Variants in BICC1 observed in about 807,000 individuals in gnomAD.
The protein encoded by BICC1 is BicC family RNA binding protein 1.
BICC1 carries 43 observed loss-of-function variants against 111.0 expected under a neutral mutation model. That is an observed-to-expected ratio of 0.39 (90% CI 0.30 to 0.50). The LOEUF is 0.50. BICC1 is among the 20% of genes least tolerant of loss of function. The probability of loss-of-function intolerance (pLI) is 0.88; values close to 1 mark genes in which losing one functional copy is unlikely to be tolerated. For missense variants in BICC1, 1,091 were observed against 1,203.2 expected (o/e 0.91, Z 1.38); for synonymous variants, 467 against 434.4 (o/e 1.07, Z -0.93).
chr10:58,592,620 CAGG>C (rs1030585805), intron 1 of BICC1, among the ~76,000 whole-genome samples: 4 of 151,390 alleles, frequency 2.6e-5, no homozygotes, highest in African/African-American at 9.7e-5. Flanking sequence ...GAGGCTGAGG[CAGG>C]AGAATGGCGT....
chr10:58,736,955 T>A (rs565827995), intron 3 of BICC1, among the ~76,000 whole-genome samples: 1 of 152,100 alleles, frequency 6.6e-6, no homozygotes, highest in African/African-American at 2.4e-5. Flanking sequence ...TTTTTTTGTC[T>A]GGGGCATAGA....
At chr10:58,815,727 G>A (rs1844066569) in intron 18 of BICC1, among the ~76,000 whole-genome samples, 1 of 151,760 alleles carries the variant, frequency 6.6e-6, no homozygotes. Context: ...GTAAAAGTAC[G>A]TTATAGGCTA....
chr10:58,555,415 G>C (rs1337682650), intron 1 of BICC1, among the ~76,000 whole-genome samples: 2 of 149,262 alleles, frequency 1.3e-5, no homozygotes, highest in Non-Finnish European at 3.0e-5. Context: ...GTTGGAAGTA[G>C]AGTAATTAGT....
chr10:58,816,447 G>A (rs1046050689), intron 18 of BICC1, among the ~76,000 whole-genome samples: 2 of 152,134 alleles, frequency 1.3e-5, no homozygotes, highest in Non-Finnish European at 2.9e-5. Flanking sequence ...TTCAGGAAAT[G>A]CCTTCTGTTT....
At chr10:58,737,927 G>T (rs1248331663) in intron 3 of BICC1, among the ~76,000 whole-genome samples, 1 of 152,068 alleles carries the variant, frequency 6.6e-6, no homozygotes, top group Non-Finnish European at 1.5e-5. Flanking sequence ...CCACTTGTTG[G>T]TGGGGTTGTT....
chr10:58,621,223 A>G (rs1205613048), intron 2 of BICC1, among the ~76,000 whole-genome samples: 1 of 152,228 alleles, frequency 6.6e-6, no homozygotes, highest in Admixed American at 6.5e-5. Flanking sequence ...GGAAGGGGTT[A>G]TTGTGCAAGG....
In BICC1 at chr10:58,829,561, T is replaced by C. The variant is rs1844499830; in HGVS notation, c.*670T>C. 6.6e-6 allele frequency: 1 copy of C among 152,172 alleles called. No homozygotes were observed. Among genetic ancestry groups the C allele is most frequent in the African/African-American group, 2.4e-5 (1 of 41,442 alleles). The allele number at this position is 152,172 out of a possible 1,614,324, so 9.4% of individuals were successfully genotyped here. ...CAGAATATTCTGTGATTTTGGGAAA[T>C]GTAAGTGAGTCCACTTGCTTCTGGA... On this transcript the variant is annotated 3_prime_UTR_variant, in exon 21 of 21. Coordinates refer to ENST00000373886, the MANE Select transcript of BICC1 (RefSeq NM_001080512.3).
intron 3 of BICC1, among the ~76,000 whole-genome samples, chr10:58,755,349 C>G (rs969607547): frequency 5.3e-5 from 8 of 152,176 alleles, no homozygotes; most frequent in Non-Finnish European, 1.5e-5. Context: ...TCCATGGTCC[C>G]AAAGTCAGTG....
intron 1 of BICC1, among the ~76,000 whole-genome samples, chr10:58,518,238 C>T (rs749421010): frequency 2.0e-5 from 3 of 152,170 alleles, no homozygotes; most frequent in Non-Finnish European, 2.9e-5. Context: ...ATCAGTTAAT[C>T]TCTCTTCTGG....
At chr10:58,637,292 G>T (rs1411527914) in intron 2 of BICC1, among the ~76,000 whole-genome samples, 1 of 151,938 alleles carries the variant, frequency 6.6e-6, no homozygotes, top group East Asian at 1.9e-4. Flanking sequence ...TTTTTCCTTT[G>T]TTATGAAATG....
chr10:58,742,638 A>G (rs968127911), intron 3 of BICC1, among the ~76,000 whole-genome samples: 3 of 151,800 alleles, frequency 2.0e-5, no homozygotes, highest in Non-Finnish European at 4.4e-5. Flanking sequence ...GCGTTTCACC[A>G]TATTGGCCAG....
At chr10:58,595,048 G>T (rs1349690864) in intron 1 of BICC1, among the ~76,000 whole-genome samples, 3 of 152,006 alleles carry the variant, frequency 2.0e-5, no homozygotes, top group Non-Finnish European at 4.4e-5. Context: ...ATGGAAAGCA[G>T]AAAAAGCAGG....
At chr10:58,777,652 G>T (rs571420502) in intron 3 of BICC1, among the ~76,000 whole-genome samples, 2 of 151,838 alleles carry the variant, frequency 1.3e-5, no homozygotes, top group East Asian at 1.9e-4. Flanking sequence ...GCCATACTTG[G>T]TTTCTTACAA....
chr10:58,531,655 A>G (rs576110335), intron 1 of BICC1, among the ~76,000 whole-genome samples: 16 of 152,010 alleles, frequency 1.1e-4, no homozygotes, highest in African/African-American at 3.9e-4. Context: ...GTGCACTACA[A>G]GAAAACATAT....
At chr10:58,693,822 T>G (rs889054960) in intron 2 of BICC1, among the ~76,000 whole-genome samples, 3 of 152,202 alleles carry the variant, frequency 2.0e-5, no homozygotes, top group Non-Finnish European at 4.4e-5. Context: ...GCCTGTTCAC[T>G]CTGATGGTAG....
In BICC1 at chr10:58,795,957, AG is replaced by A. The variant is rs562638280; in HGVS notation, c.1180-380del. Among the ~76,000 whole-genome samples, 259 of 152,276 alleles carry A rather than the reference AG, an allele frequency of 1.7e-3. 1 individual carries two copies. Among genetic ancestry groups the A allele is most frequent in the African/African-American group, 5.8e-3 (242 of 41,552 alleles). ...AGTGTAAAGATGAGGGGCTGTAAAAAGGGAACCCAGGTTCCCATCCTCTTGC... is the reference window on the plus strand; with the variant it reads ...AGTGTAAAGATGAGGGGCTGTAAAAAGGAACCCAGGTTCCCATCCTCTTGC... On this transcript the variant is annotated intron_variant, in intron 9 of 20. Coordinates refer to ENST00000373886, the MANE Select transcript of BICC1 (RefSeq NM_001080512.3).
chr10:58,712,169 G>C (rs1840597054), intron 3 of BICC1, among the ~76,000 whole-genome samples: 1 of 152,142 alleles, frequency 6.6e-6, no homozygotes, highest in African/African-American at 2.4e-5. Context: ...CTACCTGTTA[G>C]AATGGTTGAA....
chr10:58,713,730 GTCT>G lies in BICC1; in HGVS notation c.307+11593_307+11595del, dbSNP rs1388763198. Among the ~76,000 whole-genome samples the G allele has an allele frequency of 2.6e-5, 4 of 152,318 alleles. No individual in the cohort carries two copies. In the East Asian group the frequency reaches 7.7e-4, roughly 29 times the overall value. ...CTTAAGCTACATTTGGTTCTTAAGT[GTCT>G]TCTTCAAAAAGAAAGGCAATCTTGG... On this transcript the variant is annotated intron_variant, in intron 3 of 20. Coordinates refer to ENST00000373886, the MANE Select transcript of BICC1 (RefSeq NM_001080512.3).
intron 18 of BICC1, among the ~76,000 whole-genome samples, chr10:58,815,155 A>T (rs1844049034): frequency 6.6e-6 from 1 of 151,802 alleles, no homozygotes; most frequent in Non-Finnish European, 1.5e-5. Context: ...ATATTTGAAG[A>T]CTCCTTGAAG....
Sources: allele counts gnomAD v4.1 joint callset (sites outside exome capture counted in the v4.1 genomes callset), GRCh38; gene constraint gnomAD v4.1.1; transcripts MANE v1.5; gene names NCBI Gene and HGNC (gene_info 2026-07-23, HGNC 2026-07-21).